Variants in MYBPC3 observed in about 807,000 individuals in gnomAD.
MYBPC3 encodes myosin binding protein C3, also known as myosin-binding protein C, cardiac-type.
A neutral mutation model predicts 159.3 loss-of-function variants in MYBPC3; 108 were observed. The observed-to-expected ratio is 0.68, with a 90% CI of 0.58 to 0.80. MYBPC3 has a LOEUF of 0.80. Among genes scored for constraint, MYBPC3 ranks in the 30% least tolerant of loss-of-function variants. MYBPC3 has a pLI of 0.00. For missense variants in MYBPC3, 1,631 were observed against 1,762.1 expected, an observed-to-expected ratio of 0.93 and a Z score of 1.33; for synonymous variants, 730 against 702.0, an observed-to-expected ratio of 1.04 and a Z score of -0.63.
intron 9 of MYBPC3, 79 bp from the exon 10 acceptor site, chr11:47,347,108 G>T: frequency 8.8e-7 from 1 of 1,134,126 alleles, no homozygotes; most frequent in Non-Finnish European, 1.3e-6. Flanking sequence ...TAAGTCAGTT[G>T]GGCCGACCTG....
Position 47,342,609 on chromosome 11 carries a change from C to T in MYBPC3, c.1593G>A (p.Gly531=), listed in dbSNP as rs727503199. 2.3e-5 allele frequency: 37 copies of T among 1,611,978 alleles called. No homozygotes were observed. Among genetic ancestry groups the T allele is most frequent in the Non-Finnish European group, 3.0e-5 (35 of 1,178,792 alleles). ...CAATGAGCTCAGCCAGCGCCTGGCCCCCGCTAGTGCACAGTGCATAGTGCC... is the reference window on the plus strand; with the variant it reads ...CAATGAGCTCAGCCAGCGCCTGGCCTCCGCTAGTGCACAGTGCATAGTGCC... ...DAGHYALCTS[G]GQALAELIVQ... is the part of the protein sequence containing the mutation. Residue 531 remains glycine, a synonymous_variant, in exon 17 of 35, where the codon GGG becomes GGA. Coordinates refer to ENST00000545968, the MANE Select transcript of MYBPC3 (RefSeq NM_000256.3).
chr11:47,337,159 C>T (rs2095883077), intron 25 of MYBPC3, among the ~76,000 whole-genome samples: 1 of 152,120 alleles, frequency 6.6e-6, no homozygotes, highest in Non-Finnish European at 1.5e-5. Context: ...TAGGGGTCGG[C>T]GTAGTGTGAG....
rs2095884701 is a variant in MYBPC3, at chr11:47,338,374, C to T, written c.2308+146G>A. On this transcript the variant is annotated intron_variant, in intron 23 of 34. Coordinates refer to ENST00000545968, the MANE Select transcript of MYBPC3 (RefSeq NM_000256.3). This position sits in a 1 kb window ranked among gnomAD's most constrained non-coding sequence, Gnocchi z 4.7. Reference sequence around the variant, plus strand: ...CTCCATCTCCCCCAGAGCGGGGCTCCTTTTGGGCAGAAAAACCTGTCCTGT... The same window carrying T: ...CTCCATCTCCCCCAGAGCGGGGCTCTTTTTGGGCAGAAAAACCTGTCCTGT... The T allele has an allele frequency of 1.7e-6, 2 of 1,190,820 alleles. No individual in the cohort carries two copies. Among genetic ancestry groups the T allele is most frequent in the East Asian group, 2.5e-5 (1 of 39,284 alleles). The allele number at this position is 1,190,820 out of a possible 1,614,324, so 73.8% of individuals were successfully genotyped here. A position where few individuals can be genotyped will look rare whatever the true frequency, so the allele number is the denominator to read the frequency against.
chr11:47,342,237 T>C lies in MYBPC3; in HGVS notation c.1625-81A>G, dbSNP rs555150934. 11 of 1,508,896 alleles carry C rather than the reference T, an allele frequency of 7.3e-6. No homozygotes were observed. In the South Asian group the frequency reaches 1.0e-4, roughly 14 times the overall value. 93.5% of individuals were successfully genotyped at this position (1,508,896 alleles called of 1,614,324 possible). On this transcript the variant is annotated intron_variant, in intron 17 of 34. Coordinates refer to ENST00000545968, the MANE Select transcript of MYBPC3 (RefSeq NM_000256.3). ...TCCCTGTGGAGGGCGTGTGGGCCCA[T>C]GGGCGCTGGTGCGCACGTGTCTGGG...
Position 47,338,539 on chromosome 11 carries a change from G to A in MYBPC3, c.2289C>T (p.Asn763=), listed in dbSNP as rs777228369. ...VKNPVGEDQV[N]LTVKVIDVPD... Reference sequence around the variant, plus strand: ...CCTCACCGATGACCTTGACTGTGAGGTTGACCTGGTCCTCGCCCACAGGGT... The same window carrying A: ...CCTCACCGATGACCTTGACTGTGAGATTGACCTGGTCCTCGCCCACAGGGT... Residue 763 remains asparagine (N), a synonymous_variant, in exon 23 of 35, where the codon AAC becomes AAT. Transcript: ENST00000545968. This position sits in a 1 kb window ranked among gnomAD's most constrained non-coding sequence, Gnocchi z 4.7. 1.2e-6 allele frequency: 2 copies of A among 1,614,048 alleles called. No individual in the cohort carries two copies. The highest frequency in any genetic ancestry group is 1.7e-6 in the Non-Finnish European group (2 of 1,179,908).
At chr11:47,340,497 T>C (rs761151074) in intron 20 of MYBPC3, among the ~76,000 whole-genome samples, 15 of 152,202 alleles carry the variant, frequency 9.9e-5, no homozygotes, top group Admixed American at 5.2e-4. Context: ...ACCCCGTCTC[T>C]ACTAAAAATA....
rs2095877881 is a variant in MYBPC3 at position 47,332,224 on chromosome 11, A to G, written c.3662T>C (p.Leu1221Pro). 6.2e-7 allele frequency: 1 copy of G among 1,613,866 alleles called. No homozygotes were observed. Among genetic ancestry groups the G allele is most frequent in the Non-Finnish European group, 8.5e-7 (1 of 1,179,886 alleles). ...CATGCGGAAGCGGGCGTCTTCTCCCAGGTCCAGGCCATTCTTGAACCAGGA... is the reference window on the plus strand; with the variant it reads ...CATGCGGAAGCGGGCGTCTTCTCCCGGGTCCAGGCCATTCTTGAACCAGGA... ...KISWFKNGLD[L>P]GEDARFRMFS... Residue 1221 changes from leucine to proline, a missense_variant, in exon 33 of 35, where the codon CTG (leucine) becomes CCG (proline). Physicochemically the swap from Leu to Pro is moderately conservative, Grantham distance 98. Transcript: ENST00000545968. This position sits in a 1 kb window ranked among gnomAD's most constrained non-coding sequence, Gnocchi z 4.2.
Position 47,350,889 on chromosome 11 carries a change from T to C in MYBPC3, c.293-274A>G, listed in dbSNP as rs574391997. Among the ~76,000 whole-genome samples, 44 of 152,248 alleles carry C rather than the reference T, an allele frequency of 2.9e-4. No homozygotes were observed. In the South Asian group the frequency reaches 5.4e-3, roughly 19 times the overall value. On this transcript the variant is annotated intron_variant, in intron 2 of 34. Transcript: ENST00000545968. ...GTCCATCCCTGCTCTGCCCCAGCCT[T>C]AGAGCAGCCCCTCAGACTGGGCTGC...
intron 20 of MYBPC3, among the ~76,000 whole-genome samples, chr11:47,340,082 A>C (rs746994355): frequency 1.4e-4 from 21 of 152,016 alleles, no homozygotes; most frequent in Non-Finnish European, 2.8e-4. Flanking sequence ...AACTGGGGGA[A>C]CATCAGTGTC....
At position 47,339,699 on chromosome 11, in the gene MYBPC3, G is replaced by A. The variant is rs746263346; in HGVS notation, c.2019C>T (p.Ile673=). The part of the protein sequence containing the change: ...AGNKLRLDVP[I]SGDPAPTVIW... ...TCACAGTGGGAGCAGGGTCCCCAGA[G>A]ATAGGGACGTCCAGACGTAGCTTAT... Residue 673 remains isoleucine (I), a synonymous_variant, in exon 21 of 35, where the codon ATC becomes ATT. Transcript: ENST00000545968. 6 of 1,613,482 alleles carry A rather than the reference G, an allele frequency of 3.7e-6. No individual in the cohort carries two copies. The highest frequency in any genetic ancestry group is 1.3e-5 in the African/African-American group (1 of 74,920).
intron 19 of MYBPC3, 38 bp from the exon 20 acceptor site, chr11:47,341,070 G>A (rs745698632): frequency 1.3e-6 from 2 of 1,572,488 alleles, no homozygotes; most frequent in East Asian, 2.3e-5. Flanking sequence ...CGGGGGCAAA[G>A]GCAGGGCCCA....
Position 47,338,775 on chromosome 11 carries a change from GA to G in MYBPC3, c.2149-97del, listed in dbSNP as rs1252195946. On this transcript the variant is annotated intron_variant, in intron 22 of 34. Transcript: ENST00000545968. The surrounding 1 kb of genome is among the most constrained non-coding windows in gnomAD (Gnocchi z 4.7). ...CAGATGTCCCGGGGGTCCATGGGGG[GA>G]ACACAGCCTGTGGGAAGACTGCATC... 1 of 1,374,822 alleles carries G rather than the reference GA, an allele frequency of 7.3e-7. No individual in the cohort carries two copies. The highest frequency in any genetic ancestry group is 9.7e-7 in the Non-Finnish European group (1 of 1,029,234). 85.2% of individuals were successfully genotyped at this position (1,374,822 alleles called of 1,614,324 possible).
Position 47,347,899 on chromosome 11 carries a change from A to C in MYBPC3, c.779T>G (p.Met260Arg), listed in dbSNP as rs1173563116. Residue 260 changes from methionine to arginine, a missense_variant, in exon 7 of 35, where the codon ATG (methionine) becomes AGG (arginine). Coordinates refer to ENST00000545968, the MANE Select transcript of MYBPC3 (RefSeq NM_000256.3). ...SNFNLTVHEA[M>R]GTGDLDLLSA... ...TAGGAGGTCCAGGTCTCCGGTGCCC[A>C]TGGCCTCTGGGTTCAAAGGGTGGAG... The C allele has an allele frequency of 6.4e-7, 1 of 1,573,096 alleles. No homozygotes were observed. Among genetic ancestry groups the C allele is most frequent in the South Asian group, 1.2e-5 (1 of 85,352 alleles).
At position 47,335,972 on chromosome 11, in the gene MYBPC3, A is replaced by G; in HGVS notation, c.2642T>C (p.Val881Ala). 6.4e-7 allele frequency: 1 copy of G among 1,553,358 alleles called. No homozygotes were observed. Among genetic ancestry groups the G allele is most frequent in the Non-Finnish European group, 8.7e-7 (1 of 1,150,618 alleles). ...SEPTHLAVED[V>A]SDTTVSLKWR... is the part of the protein sequence containing the mutation. ...CTTGAGGGAGACCGTGGTGTCAGAGACGTCCTCTACTGCCAGGTGGGTGGG... is the reference window on the plus strand; with the variant it reads ...CTTGAGGGAGACCGTGGTGTCAGAGGCGTCCTCTACTGCCAGGTGGGTGGG... Residue 881 changes from valine (V) to alanine (A), a missense_variant, in exon 26 of 35, where the codon GTC becomes GCC. By Grantham distance (64) the Val-to-Ala change is moderately conservative (BLOSUM62 0). Transcript: ENST00000545968.
intron 9 of MYBPC3, 148 bp from the exon 10 acceptor site, chr11:47,347,177 G>A (rs550208947): frequency 1.8e-5 from 26 of 1,450,940 alleles, no homozygotes; most frequent in East Asian, 7.4e-5. Context: ...CGGAGTTTAC[G>A]GAGGGAGCTT....
Position 47,347,916 on chromosome 11 carries a change from AGGGTGGAGAGAT to A in MYBPC3, c.773-23_773-12del, listed in dbSNP as rs755234395. 4 of 1,571,746 alleles carry A rather than the reference AGGGTGGAGAGAT, an allele frequency of 2.5e-6. No homozygotes were observed. In the South Asian group the frequency reaches 4.7e-5, roughly 18 times the overall value. ...CGGTGCCCATGGCCTCTGGGTTCAAAGGGTGGAGAGATGGGGGAAGGGGCTTCAGAGGGGGCC... is the reference window on the plus strand; with the variant it reads ...CGGTGCCCATGGCCTCTGGGTTCAAAGGGGGAAGGGGCTTCAGAGGGGGCC... On this transcript the variant is annotated splice_polypyrimidine_tract_variant and intron_variant, in intron 6 of 34. Transcript: ENST00000545968.
chr11:47,337,606 G>A (rs1205271578), intron 24 of MYBPC3, 27 bp from the exon 25 acceptor site: 1 of 1,613,666 alleles, frequency 6.2e-7, no homozygotes, highest in Non-Finnish European at 8.5e-7. Context: ...GGCAGCTCTG[G>A]TCTGGAACCC....
chr11:47,346,241 G>C lies in MYBPC3; in HGVS notation c.1056C>G (p.Leu352=), dbSNP rs375007425. The C allele has an allele frequency of 6.8e-6, 11 of 1,613,796 alleles. No individual in the cohort carries two copies. The African/African-American group carries it at 1.3e-4, about 20-fold the overall frequency. The change falls in exon 12 of 35, where the codon CTC becomes CTG. Residue 352 remains leucine, a synonymous_variant. Coordinates refer to ENST00000545968, the MANE Select transcript of MYBPC3 (RefSeq NM_000256.3). This position sits in a 1 kb window ranked among gnomAD's most constrained non-coding sequence, Gnocchi z 5.3. ...TCTTCTCATCGCGCCTCATGCCCTT[G>C]AGCCTCTTTAGCATGCCGCGCAGGT... ...VTDLRGMLKR[L]KGMRRDEKKS...
In MYBPC3 at chr11:47,337,407, C is replaced by T. The variant is rs776229039; in HGVS notation, c.2586G>A (p.Gln862=). 3 of 1,596,250 alleles carry T rather than the reference C, an allele frequency of 1.9e-6. No individual in the cohort carries two copies. The South Asian group carries it at 3.3e-5, about 18-fold the overall frequency. ...CAGGCTCACCGATAGGCATGAAGGG[C>T]TGGGAGGCAGGGCTGGGCCTGGACA... ...IGMSRPSPAS[Q]PFMPIGPPSE... Residue 862 remains glutamine, a synonymous_variant, in exon 25 of 35, where the codon CAG becomes CAA. Transcript: ENST00000545968.
Sources: allele counts gnomAD v4.1 joint callset (sites outside exome capture counted in the v4.1 genomes callset), GRCh38; gene constraint gnomAD v4.1.1; non-coding constraint Gnocchi (gnomAD v3.1); transcripts MANE v1.5; gene names NCBI Gene and HGNC (gene_info 2026-07-23, HGNC 2026-07-21).